The following COP1 variants were observed in gnomAD, a reference collection of about 807,000 sequenced individuals.
COP1 encodes the protein COP1 E3 ubiquitin ligase.
COP1 carries 24 observed loss-of-function variants against 101.3 expected under a neutral mutation model. The ratio of observed to expected loss-of-function variants is 0.24; its 90% CI spans 0.17 to 0.33. The LOEUF (loss-of-function observed/expected upper bound fraction) is 0.33, where lower values mean the gene tolerates loss of function less well. Among genes scored for constraint, COP1 ranks in the 10% least tolerant of loss-of-function variants. COP1 has a pLI of 1.00. For missense variants in COP1, 663 were observed against 906.2 expected, an observed-to-expected ratio of 0.73 and a Z score of 3.45; for synonymous variants, 347 against 341.9, an observed-to-expected ratio of 1.01 and a Z score of -0.17.
At chr1:176,141,007 C>T (rs1177358636) in intron 6 of COP1, among the ~76,000 whole-genome samples, 1 of 152,146 alleles carries the variant, frequency 6.6e-6, no homozygotes, top group Admixed American at 6.5e-5. Flanking sequence ...GATAGACTCT[C>T]CCATTACTGA....
At chr1:176,184,727 A>T (rs564502898) in intron 1 of COP1, 35 bp from the exon 2 acceptor site, 86 of 1,459,724 alleles carry the variant, frequency 5.9e-5, no homozygotes, top group South Asian at 2.6e-4. Flanking sequence ...ATTTTTTTTT[A>T]AAAGTAGAGT....
At chr1:176,200,244 T>C (rs141866461) in intron 1 of COP1, among the ~76,000 whole-genome samples, 4 of 152,352 alleles carry the variant, frequency 2.6e-5, no homozygotes, top group Non-Finnish European at 4.4e-5. Context: ...GCACTTATTA[T>C]TATGAGTATT....
intron 11 of COP1, among the ~76,000 whole-genome samples, chr1:176,058,388 T>C (rs1187546903): frequency 6.6e-6 from 1 of 152,134 alleles, no homozygotes. Flanking sequence ...TAGAAAGAAG[T>C]AGACATGGGA....
At chr1:176,014,709 T>C (rs1665310370) in intron 15 of COP1, among the ~76,000 whole-genome samples, 1 of 152,114 alleles carries the variant, frequency 6.6e-6, no homozygotes, top group African/African-American at 2.4e-5. Flanking sequence ...CCGAAAACTT[T>C]TGCAAAAAAA....
intron 11 of COP1, among the ~76,000 whole-genome samples, chr1:176,058,190 G>GA: frequency 6.7e-6 from 1 of 149,490 alleles, no homozygotes; most frequent in African/African-American, 2.5e-5. Flanking sequence ...GGGAGGGGGG[G>GA]GGTCAGCCCC....
chr1:176,062,479 T>G (rs1437506388), intron 11 of COP1, among the ~76,000 whole-genome samples: 3 of 152,080 alleles, frequency 2.0e-5, no homozygotes, highest in Admixed American at 2.0e-4. Context: ...TTAAAAAAAA[T>G]AACAATGCTA....
intron 6 of COP1, among the ~76,000 whole-genome samples, chr1:176,143,966 T>TA (rs1691162548): frequency 6.6e-6 from 1 of 152,074 alleles, no homozygotes; most frequent in Admixed American, 6.6e-5. Context: ...CCTTGAGTGA[T>TA]AAAAAGTACC....
chr1:176,137,472 G>T (rs560410402), intron 6 of COP1, among the ~76,000 whole-genome samples: 1 of 152,146 alleles, frequency 6.6e-6, no homozygotes, highest in South Asian at 2.1e-4. Flanking sequence ...AATTCCTAAC[G>T]CCAGGATGCG....
At chr1:175,989,510 T>C in intron 15 of COP1, 31 bp from the exon 16 acceptor site, 2 of 1,207,186 alleles carry the variant, frequency 1.7e-6, no homozygotes, top group Non-Finnish European at 2.5e-6. Context: ...ATAAATGTAG[T>C]AAATGCAGAA....
chr1:176,201,297 G>A (rs1455018286), intron 1 of COP1, among the ~76,000 whole-genome samples: 1 of 152,086 alleles, frequency 6.6e-6, no homozygotes, highest in Admixed American at 6.6e-5. Context: ...AAGACGATGG[G>A]CTAATTCCAC....
rs147621809 is a variant in COP1 at position 176,022,756 on chromosome 1, C to T, written c.1729+4816G>A. Among the ~76,000 whole-genome samples the T allele has an allele frequency of 4.6e-4, 70 of 152,256 alleles. 1 individual carries two copies. In the East Asian group the frequency reaches 0.011, roughly 25 times the overall value. ...TGCTTCAGACCGAGGAAAATTAGCTCATACCTAACCTCAATGTGCCCTCAG... is the reference window on the plus strand; with the variant it reads ...TGCTTCAGACCGAGGAAAATTAGCTTATACCTAACCTCAATGTGCCCTCAG... On this transcript the variant is annotated intron_variant, in intron 15 of 19. Transcript: ENST00000367669.
At chr1:176,136,714 G>A (rs1689850556) in intron 6 of COP1, among the ~76,000 whole-genome samples, 167 bp from the exon 7 acceptor site, 1 of 151,980 alleles carries the variant, frequency 6.6e-6, no homozygotes, top group African/African-American at 2.4e-5. Flanking sequence ...AATATAGCTA[G>A]AAGTTCCCAT....
chr1:176,044,657 G>C (rs140022848), intron 12 of COP1, among the ~76,000 whole-genome samples: 3,039 of 152,256 alleles, frequency 0.02, 41 homozygotes, highest in Non-Finnish European at 0.031. Context: ...GTAGACTTGA[G>C]TTCAAATTCC....
chr1:176,189,174 C>T (rs540045601), intron 1 of COP1, among the ~76,000 whole-genome samples: 28 of 152,046 alleles, frequency 1.8e-4, no homozygotes, highest in Admixed American at 1.6e-3. Context: ...AAGATAAAAA[C>T]GGAAACAGAC....
chr1:176,112,725 T>G (rs755987155), intron 9 of COP1, among the ~76,000 whole-genome samples: 23 of 152,192 alleles, frequency 1.5e-4, no homozygotes, highest in Non-Finnish European at 2.8e-4. Context: ...TGCCTTTCCC[T>G]TCTCTGCCTA....
intron 15 of COP1, among the ~76,000 whole-genome samples, chr1:176,008,426 G>T (rs1445698497): frequency 6.6e-6 from 1 of 152,022 alleles, no homozygotes; most frequent in Non-Finnish European, 1.5e-5. Flanking sequence ...AATTTTTCAT[G>T]TTTAGTTATG....
At chr1:176,069,896 C>T (rs1676666203) in intron 11 of COP1, among the ~76,000 whole-genome samples, 1 of 152,220 alleles carries the variant, frequency 6.6e-6, no homozygotes, top group Non-Finnish European at 1.5e-5. Context: ...TCTCATCCTC[C>T]TTTCCAATTT....
intron 18 of COP1, among the ~76,000 whole-genome samples, chr1:175,972,461 A>ATTT (rs35491036): frequency 6.2e-5 from 8 of 129,990 alleles, no homozygotes; most frequent in Non-Finnish European, 1.2e-4. Flanking sequence ...AAATACAAGA[A>ATTT]TTTTTTTTTT....
Position 176,206,664 on chromosome 1 carries a change from G to C in COP1, c.315C>G (p.Ser105Arg), listed in dbSNP as rs777946057. 6.2e-7 allele frequency: 1 copy of C among 1,610,604 alleles called. No individual in the cohort carries two copies. Among genetic ancestry groups the C allele is most frequent in the Admixed American group, 1.7e-5 (1 of 60,020 alleles). ...PSAGVGGSSS[S>R]LGSGSRKRPL... ...GTCGCTTCCTGCTGCCGCTGCCTAG[G>C]CTGGAGCTGCTGCCTCCTACGCCGG... Residue 105 changes from serine (S) to arginine (R), a missense_variant, in exon 1 of 20, where the codon AGC (serine) becomes AGG (arginine). Physicochemically the swap from Ser to Arg is moderately radical, Grantham distance 110. This residue lies in a region of COP1 where 204 missense variants were observed against 203.6 expected (regional missense o/e 1.00). Coordinates refer to ENST00000367669, the MANE Select transcript of COP1 (RefSeq NM_022457.7).
Sources: gnomAD v4.1 joint callset for allele counts (sites outside exome capture counted in the v4.1 genomes callset) on GRCh38, gnomAD v4.1.1 for gene constraint, gnomAD v4.1.1 regional missense constraint, MANE v1.5 for transcripts, NCBI Gene and HGNC (gene_info 2026-07-23, HGNC 2026-07-21) for gene names.